Variants in CHSY3 observed in about 807,000 individuals in gnomAD.
CHSY3 encodes N-acetylgalactosaminyl-proteoglycan 3-beta-glucuronosyltransferase 3.
In CHSY3, 35 loss-of-function variants were observed where a neutral mutation model predicts 67.2. That is an observed-to-expected ratio of 0.52 (90% CI 0.40 to 0.69). CHSY3 has a LOEUF of 0.69. Ranked by LOEUF, CHSY3 falls within the 30% of genes least tolerant of loss-of-function variation. The pLI, the probability that CHSY3 is intolerant of heterozygous loss-of-function variation, is 0.00. For synonymous variants in CHSY3, 474 were observed against 434.7 expected (o/e 1.09, Z -1.12); for missense variants, 1,069 against 1,138.5 (o/e 0.94, Z 0.88).
intron 2 of CHSY3, among the ~76,000 whole-genome samples, chr5:130,004,931 A>T (rs1263546731): frequency 6.6e-6 from 1 of 152,182 alleles, no homozygotes; most frequent in African/African-American, 2.4e-5. Flanking sequence ...CATTATATCA[A>T]ATAAAGTGAT....
intron 2 of CHSY3, among the ~76,000 whole-genome samples, chr5:129,918,795 A>G (rs771340235): frequency 7.3e-6 from 1 of 136,848 alleles, no homozygotes; most frequent in Non-Finnish European, 1.6e-5. Flanking sequence ...ATTGTAGATC[A>G]GTGATTCTCT....
Position 130,130,414 on chromosome 5 carries a change from T to C in CHSY3, c.1087-53815T>C, listed in dbSNP as rs1364682277. 3.3e-5 allele frequency among the ~76,000 whole-genome samples: 5 copies of C among 152,308 alleles called. No homozygotes were observed. The East Asian group carries it at 9.6e-4, about 29-fold the overall frequency. ...TCTGATCTCAGGTTCCTTCCCTAGC[T>C]TTCACAATCTCTAAGATGCCACAGA... On this transcript the variant is annotated intron_variant, in intron 2 of 2. Coordinates refer to ENST00000305031, the MANE Select transcript of CHSY3 (RefSeq NM_175856.5).
intron 2 of CHSY3, among the ~76,000 whole-genome samples, chr5:129,950,388 C>G (rs1761991810): frequency 1.3e-5 from 2 of 152,124 alleles, no homozygotes; most frequent in Non-Finnish European, 2.9e-5. Context: ...ACTCTCATCA[C>G]TTCTATTCAC....
chr5:130,064,654 C>T (rs998248702), intron 2 of CHSY3, among the ~76,000 whole-genome samples: 2 of 152,164 alleles, frequency 1.3e-5, no homozygotes, highest in Non-Finnish European at 2.9e-5. Context: ...TTTAAATCTG[C>T]ATATGCCTGA....
At chr5:129,905,843 T>C (rs1760270890) in intron 1 of CHSY3, 1 of 1,057,096 alleles carries the variant, frequency 9.5e-7, no homozygotes, top group Non-Finnish European at 1.3e-6. Context: ...TCCTCACACC[T>C]GCCTGGCTTT....
At chr5:130,096,766 T>C (rs1479533156) in intron 2 of CHSY3, among the ~76,000 whole-genome samples, 4 of 152,192 alleles carry the variant, frequency 2.6e-5, no homozygotes, top group African/African-American at 9.7e-5. Context: ...CCAATTTTTA[T>C]TTGCAGCCAA....
intron 2 of CHSY3, among the ~76,000 whole-genome samples, chr5:130,051,837 G>T (rs1470050424): frequency 6.6e-6 from 1 of 151,846 alleles, no homozygotes; most frequent in Non-Finnish European, 1.5e-5. Flanking sequence ...AATTTGAGTT[G>T]CCAGAGAAGG....
intron 2 of CHSY3, among the ~76,000 whole-genome samples, chr5:130,183,952 AT>A (rs35565126): frequency 0.11 from 16,262 of 151,840 alleles, 969 homozygotes; most frequent in South Asian, 0.22. Flanking sequence ...AATTAGCTAG[AT>A]TTACTCATCC....
intron 2 of CHSY3, among the ~76,000 whole-genome samples, chr5:129,958,350 C>G (rs538098573): frequency 4.6e-5 from 7 of 152,108 alleles, no homozygotes; most frequent in African/African-American, 1.4e-4. Flanking sequence ...CCAGCTGGGC[C>G]TTTCTTGGGA....
At chr5:129,951,520 T>C (rs1234257034) in intron 2 of CHSY3, among the ~76,000 whole-genome samples, 1 of 152,198 alleles carries the variant, frequency 6.6e-6, no homozygotes, top group Non-Finnish European at 1.5e-5. Flanking sequence ...TGTAAATTGC[T>C]TTTTTTAAAT....
At chr5:130,089,959 A>T (rs958396269) in intron 2 of CHSY3, among the ~76,000 whole-genome samples, 3 of 152,178 alleles carry the variant, frequency 2.0e-5, no homozygotes, top group African/African-American at 7.2e-5. Context: ...TAACTGATTG[A>T]TTGAACCAGC....
At chr5:129,958,525 G>A (rs546159164) in intron 2 of CHSY3, among the ~76,000 whole-genome samples, 1 of 152,014 alleles carries the variant, frequency 6.6e-6, no homozygotes, top group African/African-American at 2.4e-5. Flanking sequence ...TTGTACAAAA[G>A]ATTTTGTAAC....
chr5:130,159,665 C>G (rs1769473256), intron 2 of CHSY3, among the ~76,000 whole-genome samples: 1 of 151,966 alleles, frequency 6.6e-6, no homozygotes. Flanking sequence ...CTGTAATATG[C>G]AAATTAAGTC....
intron 2 of CHSY3, among the ~76,000 whole-genome samples, chr5:129,995,909 T>C (rs1312789575): frequency 6.6e-6 from 1 of 152,070 alleles, no homozygotes; most frequent in Non-Finnish European, 1.5e-5. Context: ...TATCTGTCTC[T>C]ACCATTTCCA....
chr5:130,021,026 T>C (rs1764374777), intron 2 of CHSY3, among the ~76,000 whole-genome samples: 1 of 152,204 alleles, frequency 6.6e-6, no homozygotes, highest in Non-Finnish European at 1.5e-5. Context: ...GCCTGACCAA[T>C]AAATGGGTGA....
chr5:130,102,902 A>G (rs1767293776), intron 2 of CHSY3, among the ~76,000 whole-genome samples: 1 of 152,102 alleles, frequency 6.6e-6, no homozygotes, highest in Admixed American at 6.6e-5. Flanking sequence ...GAAAGACCAT[A>G]TAATTACTCT....
chr5:130,050,203 T>C (rs1306947097), intron 2 of CHSY3, among the ~76,000 whole-genome samples: 3 of 152,168 alleles, frequency 2.0e-5, no homozygotes, highest in Admixed American at 1.3e-4. Flanking sequence ...CATTCTGTTC[T>C]GGTGTTATAA....
At chr5:129,985,561 A>G (rs774993661) in intron 2 of CHSY3, among the ~76,000 whole-genome samples, 2 of 152,250 alleles carry the variant, frequency 1.3e-5, no homozygotes, top group South Asian at 4.1e-4. Flanking sequence ...CATTCTGTGA[A>G]AAATGTCATT....
chr5:130,130,335 C>T (rs1768440637), intron 2 of CHSY3, among the ~76,000 whole-genome samples: 2 of 152,098 alleles, frequency 1.3e-5, no homozygotes, highest in African/African-American at 2.4e-5. Context: ...GAATTTCTTG[C>T]CATGTAATCA....
Sources: allele counts gnomAD v4.1 joint callset (sites outside exome capture counted in the v4.1 genomes callset), GRCh38; gene constraint gnomAD v4.1.1; transcripts MANE v1.5; gene names NCBI Gene and HGNC (gene_info 2026-07-23, HGNC 2026-07-21).